Variants in SPATA6 observed in about 807,000 individuals in gnomAD.
SPATA6 encodes spermatogenesis-associated protein 6.
A neutral mutation model predicts 65.3 loss-of-function variants in SPATA6; 56 were observed. That is an observed-to-expected ratio of 0.86 (90% CI 0.69 to 1.07). The LOEUF (loss-of-function observed/expected upper bound fraction) is 1.07, where lower values mean the gene tolerates loss of function less well. SPATA6 is among the 50% of genes least tolerant of loss of function. The pLI is 0.00. For missense variants in SPATA6, 590 were observed against 594.8 expected, an observed-to-expected ratio of 0.99 and a Z score of 0.08; for synonymous variants, 199 against 213.2, an observed-to-expected ratio of 0.93 and a Z score of 0.58.
Position 48,472,085 on chromosome 1 carries a change from G to T in SPATA6, c.-77C>A. 1 of 1,032,812 alleles carries T rather than the reference G, an allele frequency of 9.7e-7. No individual in the cohort carries two copies. The highest frequency in any genetic ancestry group is 1.3e-6 in the Non-Finnish European group (1 of 750,942). The allele number at this position is 1,032,812 out of a possible 1,614,324, so 64.0% of individuals were successfully genotyped here. A position where few individuals can be genotyped will look rare whatever the true frequency, so the allele number is the denominator to read the frequency against. On this transcript the variant is annotated 5_prime_UTR_variant, in exon 1 of 13. Coordinates refer to ENST00000371847, the MANE Select transcript of SPATA6 (RefSeq NM_019073.4). ...GCGGGGAGACCTGGGGCTGGGCGGGGACGGGGAGGAGACGAGGTGGCGGCG... is the reference window on the plus strand; with the variant it reads ...GCGGGGAGACCTGGGGCTGGGCGGGTACGGGGAGGAGACGAGGTGGCGGCG...
At chr1:48,332,616 A>C (rs542734950) in intron 11 of SPATA6, among the ~76,000 whole-genome samples, 100 of 152,338 alleles carry the variant, frequency 6.6e-4, no homozygotes, top group African/African-American at 2.2e-3. Flanking sequence ...AGACTCCCAC[A>C]GAATAATAGT....
downstream of SPATA6, among the ~76,000 whole-genome samples, chr1:48,294,883 C>G (rs534580052): frequency 6.6e-6 from 1 of 152,292 alleles, no homozygotes; most frequent in Non-Finnish European, 1.5e-5. Flanking sequence ...ATCATGCTCC[C>G]TCCCATTTTC....
intron 11 of SPATA6, among the ~76,000 whole-genome samples, chr1:48,319,559 A>G (rs1162289569): frequency 6.6e-6 from 1 of 152,164 alleles, no homozygotes; most frequent in Non-Finnish European, 1.5e-5. Flanking sequence ...AGGAAAGAAG[A>G]TAGTGAAGTC....
chr1:48,282,061 C>G, the SPATA6 span, among the ~76,000 whole-genome samples: 13 of 152,226 alleles, frequency 8.5e-5, no homozygotes, highest in East Asian at 2.5e-3. Flanking sequence ...TTTGACAAAC[C>G]TGACAAAAAC....
chr1:48,283,697 A>AAAAAAAAGAAAGAAAGAAAG, the SPATA6 span, among the ~76,000 whole-genome samples: 2 of 12,004 alleles, frequency 1.7e-4, no homozygotes, highest in Admixed American at 1.2e-3. Context: ...AAAAAAAAAA[A>AAAAAAAAGAAAGAAAGAAAG]AAAGAAAGAA....
chr1:48,453,655 G>C (rs1454252771), intron 1 of SPATA6, among the ~76,000 whole-genome samples: 1 of 152,096 alleles, frequency 6.6e-6, no homozygotes, highest in African/African-American at 2.4e-5. Flanking sequence ...GCCCAATAAA[G>C]TACTTTTTAC....
the SPATA6 span, among the ~76,000 whole-genome samples, chr1:48,276,346 TCTC>T: frequency 2.5e-4 from 38 of 151,974 alleles, no homozygotes; most frequent in African/African-American, 8.9e-4. Context: ...ATTCAGTTCT[TCTC>T]TGATCTTATT....
At chr1:48,453,186 C>A (rs546754257) in intron 1 of SPATA6, 55 bp from the exon 2 acceptor site, 4 of 1,535,894 alleles carry the variant, frequency 2.6e-6, no homozygotes, top group African/African-American at 1.4e-5. Context: ...CCTGAACTAT[C>A]CTACTAAAAT....
At chr1:48,416,311 T>C (rs1375155434) in intron 3 of SPATA6, among the ~76,000 whole-genome samples, 2 of 152,032 alleles carry the variant, frequency 1.3e-5, no homozygotes, top group Non-Finnish European at 1.5e-5. Context: ...TCAGAAACCA[T>C]TCAAGCAAGA....
intron 12 of SPATA6, among the ~76,000 whole-genome samples, chr1:48,301,544 C>T (rs1374764013): frequency 1.3e-5 from 2 of 150,412 alleles, no homozygotes; most frequent in African/African-American, 2.4e-5. Context: ...CACACACACA[C>T]ACAAAAAAAA....
At chr1:48,411,003 T>C (rs1277584893) in intron 5 of SPATA6, among the ~76,000 whole-genome samples, 1 of 152,240 alleles carries the variant, frequency 6.6e-6, no homozygotes, top group Non-Finnish European at 1.5e-5. Flanking sequence ...TGAAATCATA[T>C]GGTTGTTTTA....
At chr1:48,324,829 TG>T (rs1458464561) in intron 11 of SPATA6, among the ~76,000 whole-genome samples, 1 of 152,166 alleles carries the variant, frequency 6.6e-6, no homozygotes, top group African/African-American at 2.4e-5. Flanking sequence ...AATATAGCAC[TG>T]GAAGTCCTAT....
chr1:48,428,698 G>A (rs1654073399), intron 3 of SPATA6, among the ~76,000 whole-genome samples: 2 of 151,510 alleles, frequency 1.3e-5, no homozygotes, highest in African/African-American at 4.8e-5. Flanking sequence ...GCTGTCTCAG[G>A]AGCGGCAGAG....
chr1:48,282,927 C>G, the SPATA6 span, among the ~76,000 whole-genome samples: 1 of 152,028 alleles, frequency 6.6e-6, no homozygotes, highest in African/African-American at 2.4e-5. Flanking sequence ...AGACTTTGAA[C>G]CAATCCAAAT....
chr1:48,280,248 C>T, the SPATA6 span, among the ~76,000 whole-genome samples: 1 of 152,118 alleles, frequency 6.6e-6, no homozygotes, highest in Non-Finnish European at 1.5e-5. Context: ...GCAAAATTGA[C>T]ACCCTAACAT....
the SPATA6 span, among the ~76,000 whole-genome samples, chr1:48,279,363 T>C: frequency 2.0e-5 from 3 of 152,044 alleles, no homozygotes; most frequent in African/African-American, 7.2e-5. Context: ...GGCTAAATGC[T>C]CCAATTAAAA....
At chr1:48,332,766 A>T (rs1645951961) in intron 11 of SPATA6, among the ~76,000 whole-genome samples, 1 of 152,170 alleles carries the variant, frequency 6.6e-6, no homozygotes, top group Non-Finnish European at 1.5e-5. Context: ...AAAGCAACAG[A>T]ATATACATTC....
intron 3 of SPATA6, among the ~76,000 whole-genome samples, chr1:48,432,625 AAAC>A (rs957457060): frequency 1.3e-5 from 2 of 152,212 alleles, no homozygotes; most frequent in African/African-American, 2.4e-5. Context: ...AAACAACAGA[AAAC>A]AACAAGTGTT....
In SPATA6 at chr1:48,437,716, T is replaced by C. The variant is rs1327942386; in HGVS notation, c.238+13836A>G. On this transcript the variant is annotated intron_variant, in intron 3 of 12. Coordinates refer to ENST00000371847, the MANE Select transcript of SPATA6 (RefSeq NM_019073.4). Reference sequence around the variant, plus strand: ...GTGCTTTCCTTTTTTCTTCTGTTAATACTTATGGTAACACCTAACTGAGCC... The same window carrying C: ...GTGCTTTCCTTTTTTCTTCTGTTAACACTTATGGTAACACCTAACTGAGCC... 3.3e-5 allele frequency among the ~76,000 whole-genome samples: 5 copies of C among 152,310 alleles called. No homozygotes were observed. The East Asian group carries it at 9.7e-4, about 29-fold the overall frequency.
Sources: gnomAD v4.1 joint callset for allele counts (sites outside exome capture counted in the v4.1 genomes callset) on GRCh38, gnomAD v4.1.1 for gene constraint, MANE v1.5 for transcripts, NCBI Gene and HGNC (gene_info 2026-07-23, HGNC 2026-07-21) for gene names.